Variants in C2orf92 observed in about 807,000 individuals in gnomAD.
The protein encoded by C2orf92 is uncharacterized protein C2orf92.
chr2:97,690,106 G>A (rs188913005), intron 4 of C2orf92, 150 bp from the exon 5 acceptor site: 2 of 341,734 alleles, frequency 5.9e-6, no homozygotes, highest in East Asian at 4.2e-5. Flanking sequence ...ACTCCAGCCT[G>A]GGTGACTGCG....
chr2:97,678,621 A>G (rs1675659764), intron 3 of C2orf92, among the ~76,000 whole-genome samples: 1 of 152,074 alleles, frequency 6.6e-6, no homozygotes, highest in Admixed American at 6.5e-5. Flanking sequence ...TTTCTCCGCA[A>G]CAACCACAGA....
Position 97,684,514 on chromosome 2 carries a change from T to G in C2orf92, c.233-4381T>G, listed in dbSNP as rs138630707. On this transcript the variant is annotated intron_variant, in intron 3 of 7. Coordinates refer to ENST00000627399, the MANE Select transcript of C2orf92 (RefSeq NM_001351368.2). ...GATCTAAATTAATGAGCTTAAACTA[T>G]TAGTCTCTTAGAAGTAAACATAGGT... is the stretch of plus-strand genomic sequence containing the variant. Among the ~76,000 whole-genome samples, 29 of 152,322 alleles carry G rather than the reference T, an allele frequency of 1.9e-4. No individual in the cohort carries two copies. The East Asian group carries it at 5.0e-3, about 26-fold the overall frequency.
rs1378229096 is a variant in C2orf92, at chr2:97,702,655, T to C, written c.666-14T>C. 5.0e-6 allele frequency: 2 copies of C among 398,890 alleles called. No individual in the cohort carries two copies. Among genetic ancestry groups the C allele is most frequent in the Middle Eastern group, 6.2e-4 (1 of 1,610 alleles). 24.7% of individuals were successfully genotyped at this position (398,890 alleles called of 1,614,324 possible). On this transcript the variant is annotated splice_polypyrimidine_tract_variant and intron_variant, in intron 7 of 7. Coordinates refer to ENST00000627399, the MANE Select transcript of C2orf92 (RefSeq NM_001351368.2). ...GCTGAGCTGAGCACTGTGGTTTTTGTTATTTTGTTTTAGATCTCCTCTGGC... is the reference window on the plus strand; with the variant it reads ...GCTGAGCTGAGCACTGTGGTTTTTGCTATTTTGTTTTAGATCTCCTCTGGC...
chr2:97,678,991 A>G (rs192996638), intron 3 of C2orf92, among the ~76,000 whole-genome samples: 32 of 152,008 alleles, frequency 2.1e-4, no homozygotes, highest in Admixed American at 1.9e-3. Context: ...AAAAAAAAAA[A>G]AAAAGTAAAA....
At chr2:97,669,060 T>C (rs1317348533), upstream of C2orf92, 1 of 152,202 alleles carries the variant, frequency 6.6e-6, no homozygotes, top group Non-Finnish European at 1.5e-5. Context: ...GCTGGCTACA[T>C]AATTTGTGGG....
intron 3 of C2orf92, among the ~76,000 whole-genome samples, chr2:97,681,405 C>T (rs1487347313): frequency 1.3e-5 from 2 of 152,106 alleles, no homozygotes; most frequent in Non-Finnish European, 2.9e-5. Flanking sequence ...AATATTTACA[C>T]ACATGGAGAT....
At position 97,670,160 on chromosome 2, in the gene C2orf92, C is replaced by A. The variant is rs533492136; in HGVS notation, c.46+326C>A. On this transcript the variant is annotated intron_variant, in intron 1 of 7. Transcript: ENST00000627399. ...AAAGAACCACCATATGCTAACTAAC[C>A]CTCCTGATTTTATCTATATATATGC... 4.9e-5 allele frequency: 10 copies of A among 205,124 alleles called. No individual in the cohort carries two copies. In the East Asian group the frequency reaches 1.0e-3, roughly 21 times the overall value. The allele number at this position is 205,124 out of a possible 1,614,324, so 12.7% of individuals were successfully genotyped here. A position where few individuals can be genotyped will look rare whatever the true frequency, so the allele number is the denominator to read the frequency against.
intron 5 of C2orf92, among the ~76,000 whole-genome samples, chr2:97,694,252 T>C (rs558282544): frequency 9.4e-4 from 142 of 151,224 alleles, no homozygotes; most frequent in East Asian, 3.9e-3. Flanking sequence ...TTCTTTCTTT[T>C]TTTTTTTTTT....
chr2:97,670,424 C>G (rs1002754142), intron 1 of C2orf92: 1 of 151,148 alleles, frequency 6.6e-6, no homozygotes, highest in African/African-American at 2.4e-5. Flanking sequence ...CCCAAAAAGT[C>G]GAGGCTGCAG....
At chr2:97,683,103 C>CACA (rs1478543660) in intron 3 of C2orf92, among the ~76,000 whole-genome samples, 4 of 151,834 alleles carry the variant, frequency 2.6e-5, no homozygotes, top group Non-Finnish European at 4.4e-5. Flanking sequence ...CACACACACA[C>CACA]ACACACACAC....
At chr2:97,684,265 G>A (rs1401073471) in intron 3 of C2orf92, among the ~76,000 whole-genome samples, 2 of 152,052 alleles carry the variant, frequency 1.3e-5, no homozygotes, top group African/African-American at 4.8e-5. Flanking sequence ...TCGATCCCCT[G>A]ACCTCGTGAT....
intron 4 of C2orf92, among the ~76,000 whole-genome samples, chr2:97,689,870 T>C (rs1049742210): frequency 6.6e-6 from 1 of 152,228 alleles, no homozygotes; most frequent in African/African-American, 2.4e-5. Flanking sequence ...GGCTCACACC[T>C]GTAATCCCAG....
chr2:97,698,774 A>G (rs1188445785), intron 5 of C2orf92, among the ~76,000 whole-genome samples: 7 of 152,196 alleles, frequency 4.6e-5, no homozygotes, highest in African/African-American at 1.7e-4. Flanking sequence ...AGTGTGATTC[A>G]GATGCACGCT....
upstream of C2orf92, among the ~76,000 whole-genome samples, chr2:97,666,728 A>T (rs1037422252): frequency 6.6e-6 from 1 of 151,080 alleles, no homozygotes; most frequent in Admixed American, 6.6e-5. Flanking sequence ...CTGTAGTGCC[A>T]GCTACTCCAG....
intron 5 of C2orf92, among the ~76,000 whole-genome samples, chr2:97,695,950 T>C (rs1474764398): frequency 2.0e-5 from 3 of 152,074 alleles, no homozygotes; most frequent in Non-Finnish European, 4.4e-5. Flanking sequence ...AGCAGGGTAG[T>C]TCTGGCTCAG....
intron 4 of C2orf92, 62 bp from the exon 5 acceptor site, chr2:97,690,194 G>C (rs1676081822): frequency 2.5e-6 from 1 of 396,250 alleles, no homozygotes; most frequent in East Asian, 3.6e-5. Flanking sequence ...CAAGGTGCTT[G>C]CAAATGTGTA....
chr2:97,687,820 A>T (rs1170745929), intron 3 of C2orf92, among the ~76,000 whole-genome samples: 1 of 150,460 alleles, frequency 6.6e-6, no homozygotes, highest in African/African-American at 2.5e-5. Context: ...GTCTGCATAG[A>T]CAACTGCCTG....
Position 97,698,693 on chromosome 2 carries a change from C to G in C2orf92, c.404-333C>G, listed in dbSNP as rs562881434. On this transcript the variant is annotated intron_variant, in intron 5 of 7. Coordinates refer to ENST00000627399, the MANE Select transcript of C2orf92 (RefSeq NM_001351368.2). ...TCTGTGAGACATACGCATTCCCAGG[C>G]CTACCCCAGACCTATGGAATCAGAA... Among the ~76,000 whole-genome samples the G allele has an allele frequency of 3.6e-4, 55 of 152,236 alleles. 1 individual carries two copies. The highest frequency in any genetic ancestry group is 1.3e-3 in the African/African-American group (55 of 41,540).
At chr2:97,663,945 GC>G, upstream of C2orf92, 1 of 979,292 alleles carries the variant, frequency 1.0e-6, no homozygotes, top group Non-Finnish European at 1.3e-6. Context: ...CACCGGATGG[GC>G]GGGCGGGCGG....
Sources: allele counts gnomAD v4.1 joint callset (sites outside exome capture counted in the v4.1 genomes callset), GRCh38; gene constraint gnomAD v4.1.1; transcripts MANE v1.5; gene names NCBI Gene and HGNC (gene_info 2026-07-23, HGNC 2026-07-21).